SLC61A1: variants seen among roughly 807,000 people sequenced by gnomAD.
SLC61A1 encodes the protein solute carrier family 61 member 1.
chr12:53,252,150 G>A, the SLC61A1 span: 3 of 1,437,930 alleles, frequency 2.1e-6, no homozygotes, highest in African/African-American at 1.4e-5. Context: ...CCGGAAGCAG[G>A]CTGTGAGGGG....
chr12:53,254,037 G>T, the SLC61A1 span: 1 of 1,614,164 alleles, frequency 6.2e-7, no homozygotes, highest in Non-Finnish European at 8.5e-7. Flanking sequence ...GACAGTGATC[G>T]AAAAACAGGC....
At chr12:53,252,055 C>A in the SLC61A1 span, 8 of 160,952 alleles carry the variant, frequency 5.0e-5, no homozygotes, top group South Asian at 1.0e-4. Flanking sequence ...GGAGGGCGGG[C>A]GGGCGGGGCG....
the SLC61A1 span, chr12:53,253,397 G>A: frequency 1.2e-6 from 2 of 1,614,090 alleles, no homozygotes; most frequent in Non-Finnish European, 1.7e-6. Context: ...GGCAGGTGTG[G>A]CAGCTGAGGC....
chr12:53,252,350 C>G, the SLC61A1 span: 1 of 1,343,718 alleles, frequency 7.4e-7, no homozygotes, highest in Non-Finnish European at 9.5e-7. Context: ...TGCCAGTGAC[C>G]TGGAGGAGTG....
the SLC61A1 span, chr12:53,251,797 G>A: frequency 6.5e-7 from 1 of 1,537,302 alleles, no homozygotes; most frequent in Non-Finnish European, 8.7e-7. Context: ...GGGCAGCGGT[G>A]CTGTTCCTTA....
At chr12:53,253,226 C>T in the SLC61A1 span, 2 of 1,614,144 alleles carry the variant, frequency 1.2e-6, no homozygotes, top group African/African-American at 2.7e-5. Flanking sequence ...CTTTGTGCTG[C>T]TAGTGGGGCG....
At chr12:53,254,078 G>C in the SLC61A1 span, 1 of 1,614,240 alleles carries the variant, frequency 6.2e-7, no homozygotes, top group Non-Finnish European at 8.5e-7. Context: ...TTGCTCTGCT[G>C]TCATGGTGAT....
At chr12:53,251,873 G>C in the SLC61A1 span, 8 of 1,537,322 alleles carry the variant, frequency 5.2e-6, no homozygotes, top group Non-Finnish European at 7.0e-6. Context: ...CGGAAGAAAA[G>C]AAAATTGGCA....
chr12:53,252,670 C>A, the SLC61A1 span: 1 of 1,210,370 alleles, frequency 8.3e-7, no homozygotes, highest in Non-Finnish European at 1.1e-6. Context: ...GCCACTCCTC[C>A]CACCCACCCA....
At chr12:53,251,283 G>C in the SLC61A1 span, 3 of 167,438 alleles carry the variant, frequency 1.8e-5, no homozygotes, top group Admixed American at 1.7e-4. Flanking sequence ...ATAGATGGGA[G>C]GGAGAGGAGC....
the SLC61A1 span, chr12:53,254,283 G>T: frequency 6.9e-7 from 1 of 1,446,504 alleles, no homozygotes. Flanking sequence ...TGACTGTCCT[G>T]TGGTTTCTCC....
chr12:53,251,514 C>A, the SLC61A1 span: 1 of 558,490 alleles, frequency 1.8e-6, no homozygotes, highest in Non-Finnish European at 3.1e-6. Flanking sequence ...AGTTCTTAAC[C>A]CCATGCTGCC....
the SLC61A1 span, chr12:53,252,690 T>A: frequency 8.1e-6 from 10 of 1,233,958 alleles, no homozygotes; most frequent in East Asian, 2.6e-5. Flanking sequence ...AACTGGTCCC[T>A]CCGGTCTGAG....
the SLC61A1 span, chr12:53,251,617 CA>C: frequency 8.8e-7 from 1 of 1,135,730 alleles, no homozygotes; most frequent in Non-Finnish European, 1.2e-6. Context: ...CCCAAGGCCA[CA>C]CAGCTGGTAA....
the SLC61A1 span, chr12:53,252,329 G>A: frequency 2.2e-6 from 3 of 1,361,480 alleles, no homozygotes; most frequent in Admixed American, 3.7e-5. Flanking sequence ...GGGCTAGGGG[G>A]CGCAGTGGGG....
At chr12:53,253,145 C>G in the SLC61A1 span, 35 of 1,614,222 alleles carry the variant, frequency 2.2e-5, no homozygotes, top group Non-Finnish European at 2.8e-5. Context: ...TTGGCTGGGT[C>G]GCAAGAATTC....
At chr12:53,253,470 C>T in the SLC61A1 span, 2 of 1,613,982 alleles carry the variant, frequency 1.2e-6, no homozygotes, top group Admixed American at 3.3e-5. Context: ...CCTCTCCTGG[C>T]TCTGGCAGGG....
the SLC61A1 span, chr12:53,253,482 C>A: frequency 6.2e-7 from 1 of 1,614,130 alleles, no homozygotes. Flanking sequence ...CTGGCAGGGG[C>A]CTTGGCCCTT....
chr12:53,253,654 G>T, the SLC61A1 span: 27 of 1,614,060 alleles, frequency 1.7e-5, no homozygotes, highest in East Asian at 6.0e-4. Context: ...GGACACCTGT[G>T]CTGGACCCAC....
Sources: gnomAD v4.1 joint callset for allele counts on GRCh38, gnomAD v4.1.1 for gene constraint, MANE v1.5 for transcripts, NCBI Gene and HGNC (gene_info 2026-07-23, HGNC 2026-07-21) for gene names.